DNAH6: variants seen among roughly 807,000 people sequenced by gnomAD.
DNAH6 encodes axonemal beta dynein heavy chain 6.
Under a neutral mutation model 491.4 loss-of-function variants are expected in DNAH6, and 340 were observed. The observed-to-expected ratio is 0.69, with a 90% CI of 0.63 to 0.76. DNAH6 has a LOEUF of 0.76. Ranked by LOEUF, DNAH6 falls within the 30% of genes least tolerant of loss-of-function variation. The pLI, the probability that DNAH6 is intolerant of heterozygous loss-of-function variation, is 0.00. For synonymous variants in DNAH6, 1,603 were observed against 1,686.1 expected (o/e 0.95, Z 1.21); for missense variants, 4,443 against 4,972.2 (o/e 0.89, Z 3.20).
chr2:84,810,736 C>T (rs1208318269), intron 72 of DNAH6, among the ~76,000 whole-genome samples: 8 of 152,330 alleles, frequency 5.3e-5, no homozygotes, highest in African/African-American at 1.9e-4. Flanking sequence ...CACTCTCCTC[C>T]AGACAGAACC....
the DNAH6 span, among the ~76,000 whole-genome samples, chr2:84,493,742 G>C: frequency 1.3e-5 from 2 of 152,216 alleles, no homozygotes; most frequent in African/African-American, 4.8e-5. Flanking sequence ...AAGTGACGCA[G>C]ATGGTCCAAG....
At chr2:84,581,825 G>A (rs907659762) in intron 14 of DNAH6, among the ~76,000 whole-genome samples, 1 of 152,228 alleles carries the variant, frequency 6.6e-6, no homozygotes, top group Non-Finnish European at 1.5e-5. Flanking sequence ...GCAACTGAAT[G>A]AGGGGACAGT....
chr2:84,505,703 C>G, the DNAH6 span, among the ~76,000 whole-genome samples: 1 of 152,140 alleles, frequency 6.6e-6, no homozygotes, highest in African/African-American at 2.4e-5. Context: ...TGCTATCCCT[C>G]CCCACTCCCT....
intron 62 of DNAH6, among the ~76,000 whole-genome samples, chr2:84,740,979 G>C (rs982213700): frequency 1.3e-5 from 2 of 152,182 alleles, no homozygotes; most frequent in Non-Finnish European, 2.9e-5. Context: ...ACCGCTGCCA[G>C]GTTACCAAAC....
At chr2:84,602,232 T>G (rs1685316183) in intron 18 of DNAH6, among the ~76,000 whole-genome samples, 1 of 152,066 alleles carries the variant, frequency 6.6e-6, no homozygotes, top group Non-Finnish European at 1.5e-5. Context: ...TCATTCAGCC[T>G]AAAGAATATC....
chr2:84,579,587 G>A lies in DNAH6; in HGVS notation c.2137G>A (p.Ala713Thr), dbSNP rs1355577703. The A allele has an allele frequency of 1.9e-6, 3 of 1,613,488 alleles. No individual in the cohort carries two copies. Among genetic ancestry groups the A allele is most frequent in the Non-Finnish European group, 2.5e-6 (3 of 1,179,768 alleles). ...AAAAGTGGATGCCATTATCTTTGAGGCACAAGATGCAGAGTATAAACTTGA... is the reference window on the plus strand; with the variant it reads ...AAAAGTGGATGCCATTATCTTTGAGACACAAGATGCAGAGTATAAACTTGA... ...KKKVDAIIFE[A>T]QDAEYKLEFV... The change falls in exon 14 of 77, where the codon GCA becomes ACA. Residue 713 changes from alanine to threonine, a missense_variant. By Grantham distance (58) the Ala-to-Thr change is moderately conservative (BLOSUM62 0). Transcript: ENST00000389394.
rs1014462043 is a variant in DNAH6 at position 84,615,493 on chromosome 2, C to T, written c.3476-1393C>T. ...GATGCCTCCAGATTTGTTCTTTTTG[C>T]TTAGTCATGCTTTGGCTATGTGGGC... On this transcript the variant is annotated intron_variant, in intron 22 of 76. Coordinates refer to ENST00000389394, the MANE Select transcript of DNAH6 (RefSeq NM_001370.2). 1.3e-5 allele frequency among the ~76,000 whole-genome samples: 2 copies of T among 151,980 alleles called. 1 individual carries two copies. The highest frequency in any genetic ancestry group is 4.1e-4 in the South Asian group (2 of 4,828).
the DNAH6 span, among the ~76,000 whole-genome samples, chr2:84,471,923 A>G: frequency 6.6e-6 from 1 of 152,134 alleles, no homozygotes; most frequent in African/African-American, 2.4e-5. Context: ...GTGGCTCATG[A>G]TAGATCTTCA....
chr2:84,574,569 A>G (rs1195303887), intron 12 of DNAH6, among the ~76,000 whole-genome samples: 1 of 152,128 alleles, frequency 6.6e-6, no homozygotes. Context: ...CCTTTTTTTC[A>G]AGATACTAAG....
chr2:84,762,944 C>T lies in DNAH6; in HGVS notation c.10702C>T (p.Arg3568Trp), dbSNP rs775699338. 5.4e-5 allele frequency: 84 copies of T among 1,549,406 alleles called. No homozygotes were observed. The highest frequency in any genetic ancestry group is 7.2e-5 in the South Asian group (6 of 83,840). ...TGCCAGGGAAAGTGGATATTCAGAA[C>T]GGTAAGTTCATGTTGTGCAGTTTTA... Reference protein sequence around the residue: ...RFARESGYSERVQSISLGQGQ... With the variant: ...RFARESGYSEWVQSISLGQGQ... The change falls in exon 64 of 77, where the codon CGG becomes TGG. Residue 3568 changes from arginine (R) to tryptophan (W), a missense_variant and splice_region_variant. Physicochemically the swap from Arg to Trp is moderately radical, Grantham distance 101 (BLOSUM62 -3). Around this residue, in one of 3 missense-constraint regions of DNAH6, gnomAD observed 1,463 missense variants for 1,656.6 expected, o/e 0.88. Transcript: ENST00000389394.
intron 63 of DNAH6, among the ~76,000 whole-genome samples, chr2:84,750,572 AC>A (rs1389458621): frequency 6.6e-6 from 1 of 152,174 alleles, no homozygotes; most frequent in East Asian, 1.9e-4. Context: ...CCTTAGATTT[AC>A]TTTAAAATAA....
chr2:84,813,255 A>G (rs1356080101), intron 74 of DNAH6, 125 bp downstream of exon 74: 3 of 716,462 alleles, frequency 4.2e-6, no homozygotes, highest in East Asian at 5.4e-5. Flanking sequence ...ATCATAGGGC[A>G]ATCTAACAAG....
intron 4 of DNAH6, among the ~76,000 whole-genome samples, chr2:84,539,665 A>T (rs78200640): frequency 0.014 from 2,073 of 152,282 alleles, 48 homozygotes; most frequent in African/African-American, 0.048. Flanking sequence ...CCTAGGGTGG[A>T]GCCCGAGAAT....
the DNAH6 span, among the ~76,000 whole-genome samples, chr2:84,487,371 T>C: frequency 6.6e-6 from 1 of 152,166 alleles, no homozygotes; most frequent in Non-Finnish European, 1.5e-5. Context: ...ACCACAGTTA[T>C]CATGGCCACA....
intron 69 of DNAH6, 76 bp downstream of exon 69, chr2:84,796,501 G>T: frequency 7.7e-7 from 1 of 1,291,456 alleles, no homozygotes; most frequent in Non-Finnish European, 1.0e-6. Flanking sequence ...TTCCCACCCA[G>T]GGGCTGTCTG....
rs187195404 is a variant in DNAH6, at chr2:84,799,081, A to G, written c.11481+1423A>G. Among the ~76,000 whole-genome samples the G allele has an allele frequency of 2.1e-5, 3 of 145,952 alleles. No individual in the cohort carries two copies. In the Admixed American group the frequency reaches 2.1e-4, roughly 10 times the overall value. On this transcript the variant is annotated intron_variant, in intron 70 of 76. Transcript: ENST00000389394. ...CAGCTCACTGCAACCTCCACCTCCC[A>G]GGTTTGAGCAGTTCTCCTGCCTCAG...
chr2:84,745,596 G>T (rs372807364), intron 63 of DNAH6, among the ~76,000 whole-genome samples: 1 of 151,088 alleles, frequency 6.6e-6, no homozygotes, highest in Admixed American at 6.6e-5. Flanking sequence ...AACCCAGGAG[G>T]CAGAGCTTGC....
intron 22 of DNAH6, among the ~76,000 whole-genome samples, chr2:84,615,943 C>T (rs1686813231): frequency 1.3e-5 from 2 of 151,932 alleles, no homozygotes; most frequent in South Asian, 4.2e-4. Flanking sequence ...GGTCTAGGAG[C>T]TTTTTGGATA....
At chr2:84,720,586 CTTGCTACTAATTCTTA>C (rs1698045260) in intron 59 of DNAH6, among the ~76,000 whole-genome samples, 1 of 152,062 alleles carries the variant, frequency 6.6e-6, no homozygotes, top group Non-Finnish European at 1.5e-5. Context: ...CCGAGTGCTT[CTTGCTACTAATTCTTA>C]AGCCTTTGAG....
Sources: allele counts gnomAD v4.1 joint callset (sites outside exome capture counted in the v4.1 genomes callset), GRCh38; gene constraint gnomAD v4.1.1; regional missense constraint gnomAD v4.1.1; transcripts MANE v1.5; gene names NCBI Gene and HGNC (gene_info 2026-07-23, HGNC 2026-07-21).